The following CADPS variants were observed in gnomAD, a reference collection of about 807,000 sequenced individuals.
CADPS encodes calcium-dependent secretion activator 1.
CADPS carries 57 observed loss-of-function variants against 167.3 expected under a neutral mutation model. The ratio of observed to expected loss-of-function variants is 0.34; its 90% CI spans 0.28 to 0.42. The LOEUF (loss-of-function observed/expected upper bound fraction) is 0.42. Ranked by LOEUF, CADPS falls within the 20% of genes least tolerant of loss-of-function variation. CADPS has a pLI of 1.00. For missense variants in CADPS, 1,414 were observed against 1,738.1 expected, an observed-to-expected ratio of 0.81 and a Z score of 3.32; for synonymous variants, 676 against 635.3, an observed-to-expected ratio of 1.06 and a Z score of -0.96.
At chr3:62,688,167 C>T (rs1296615024) in intron 3 of CADPS, among the ~76,000 whole-genome samples, 1 of 151,990 alleles carries the variant, frequency 6.6e-6, no homozygotes, top group Non-Finnish European at 1.5e-5. Context: ...AGGGCCTGTC[C>T]TATTCATTGT....
chr3:62,856,682 AAATATTAAT>A (rs1000543085), intron 1 of CADPS, among the ~76,000 whole-genome samples: 2 of 151,932 alleles, frequency 1.3e-5, no homozygotes, highest in Non-Finnish European at 2.9e-5. Flanking sequence ...AAATAAATTC[AAATATTAAT>A]AATATTAATA....
intron 6 of CADPS, among the ~76,000 whole-genome samples, chr3:62,607,390 C>A (rs1333751118): frequency 2.0e-5 from 3 of 152,208 alleles, no homozygotes; most frequent in African/African-American, 7.2e-5. Flanking sequence ...CTAAGGCAGG[C>A]AGCCAATGTC....
intron 5 of CADPS, among the ~76,000 whole-genome samples, chr3:62,646,165 T>TA (rs1409168392): frequency 6.7e-6 from 1 of 149,784 alleles, no homozygotes; most frequent in African/African-American, 2.5e-5. Context: ...TTGGCTCTTT[T>TA]TTTTTTTTTT....
chr3:62,536,286 G>T (rs2074674533), intron 12 of CADPS, 159 bp downstream of exon 12: 3 of 623,572 alleles, frequency 4.8e-6, no homozygotes, highest in South Asian at 4.8e-5. Flanking sequence ...TGTTTCTTTG[G>T]TAAGTAAAAC....
Position 62,403,065 on chromosome 3 carries a change from T to C in CADPS, c.3882+16A>G. ...GTAAGCTATTTGCAAAGAAGAATAA[T>C]AATCTTTTCTTTTACCTTTACCATC... On this transcript the variant is annotated intron_variant, in intron 29 of 29. Transcript: ENST00000383710. 1 of 1,476,266 alleles carries C rather than the reference T, an allele frequency of 6.8e-7. No homozygotes were observed. The highest frequency in any genetic ancestry group is 9.5e-7 in the Non-Finnish European group (1 of 1,058,082). 91.4% of individuals were successfully genotyped at this position (1,476,266 alleles called of 1,614,324 possible).
chr3:62,550,550 C>A (rs1008332029), intron 10 of CADPS, among the ~76,000 whole-genome samples: 4 of 152,130 alleles, frequency 2.6e-5, no homozygotes, highest in Non-Finnish European at 4.4e-5. Context: ...CCCATACGAA[C>A]CCCCTGGGCA....
chr3:62,867,618 T>C (rs2081939168), intron 1 of CADPS, among the ~76,000 whole-genome samples: 1 of 152,084 alleles, frequency 6.6e-6, no homozygotes, highest in African/African-American at 2.4e-5. Flanking sequence ...TGCATTTTAG[T>C]TCACCAAACT....
At chr3:62,575,992 C>T (rs765088842) in intron 8 of CADPS, among the ~76,000 whole-genome samples, 2 of 152,134 alleles carry the variant, frequency 1.3e-5, no homozygotes, top group Non-Finnish European at 2.9e-5. Flanking sequence ...TAGTCAGCTC[C>T]GGCTCTGCGT....
intron 28 of CADPS, among the ~76,000 whole-genome samples, chr3:62,410,864 G>T (rs569747908): frequency 2.0e-5 from 3 of 152,134 alleles, no homozygotes; most frequent in Non-Finnish European, 4.4e-5. Flanking sequence ...CAGCACTTTG[G>T]GAGGCTAAAG....
Position 62,859,183 on chromosome 3 carries a change from G to T in CADPS, c.441+15406C>A, listed in dbSNP as rs113365478. ...TACAATATATATAATGTTGAATTTG[G>T]TTTGTCCTTTCCAGTGATTCTTACA... is the stretch of plus-strand genomic sequence containing the variant. On this transcript the variant is annotated intron_variant, in intron 1 of 29. Transcript: ENST00000383710. Among the ~76,000 whole-genome samples the T allele has an allele frequency of 3.3e-5, 5 of 152,224 alleles. No homozygotes were observed. In the East Asian group the frequency reaches 9.6e-4, roughly 29 times the overall value.
At chr3:62,503,942 G>T (rs2066193959) in intron 17 of CADPS, among the ~76,000 whole-genome samples, 1 of 152,138 alleles carries the variant, frequency 6.6e-6, no homozygotes, top group Non-Finnish European at 1.5e-5. Context: ...TGTATGGTGA[G>T]AGGGACATAC....
In CADPS at chr3:62,875,026, G is replaced by A; in HGVS notation, c.4C>T (p.Leu2=). 1.9e-6 allele frequency: 3 copies of A among 1,589,108 alleles called. No individual in the cohort carries two copies. The highest frequency in any genetic ancestry group is 2.6e-6 in the Non-Finnish European group (3 of 1,167,586). ...TCTTCTTCGCTGGACGAAGGGTCCA[G>A]CATAGTGGCGCCTGGGGAGCGGGGT... M[L]DPSSSEEESD... Residue 2 remains leucine (L), a synonymous_variant, in exon 1 of 30, where the codon CTG becomes TTG. Transcript: ENST00000383710.
At chr3:62,589,279 T>C (rs1010255445) in intron 7 of CADPS, among the ~76,000 whole-genome samples, 1 of 152,216 alleles carries the variant, frequency 6.6e-6, no homozygotes, top group African/African-American at 2.4e-5. Context: ...CCCATGAAGA[T>C]GCTGCCAGCA....
intron 1 of CADPS, among the ~76,000 whole-genome samples, chr3:62,816,908 C>A (rs1029517406): frequency 3.9e-5 from 6 of 152,078 alleles, no homozygotes; most frequent in Non-Finnish European, 8.8e-5. Context: ...GGTTTTCCTC[C>A]TCCTCCTCAT....
chr3:62,518,322 A>C, intron 13 of CADPS, 72 bp from the exon 14 acceptor site: 1 of 1,134,448 alleles, frequency 8.8e-7, no homozygotes. Context: ...CTCTAGCAGG[A>C]GGAAACTGTC....
chr3:62,479,687 G>A (rs949528622), intron 22 of CADPS, among the ~76,000 whole-genome samples: 2 of 152,254 alleles, frequency 1.3e-5, no homozygotes, highest in Non-Finnish European at 2.9e-5. Flanking sequence ...TGACACGATG[G>A]AGCAGGTAAC....
In CADPS at chr3:62,602,746, C is replaced by G. The variant is rs186620247; in HGVS notation, c.1326-9998G>C. On this transcript the variant is annotated intron_variant, in intron 6 of 29. Transcript: ENST00000383710. The surrounding 1 kb of genome is among the most constrained non-coding windows in gnomAD (Gnocchi z 4.4). ...GCTTTGGTTTGCCTCCTTGACATTT[C>G]CACTGGAACGTCTCCTCTCCAGGAG... is the stretch of plus-strand genomic sequence containing the variant. 2.9e-4 allele frequency among the ~76,000 whole-genome samples: 44 copies of G among 152,248 alleles called. No individual in the cohort carries two copies. The highest frequency in any genetic ancestry group is 1.0e-3 in the African/African-American group (42 of 41,542).
intron 1 of CADPS, among the ~76,000 whole-genome samples, chr3:62,842,981 G>C (rs1286700730): frequency 5.9e-5 from 9 of 152,138 alleles, no homozygotes; most frequent in Non-Finnish European, 7.4e-5. Context: ...GGAAAGCATG[G>C]TATTTTGTAA....
intron 15 of CADPS, 128 bp from the exon 16 acceptor site, chr3:62,516,310 A>G (rs1434203274): frequency 9.7e-6 from 12 of 1,238,134 alleles, no homozygotes; most frequent in Non-Finnish European, 1.2e-5. Flanking sequence ...GCCATGCTTA[A>G]AGAGAAAGCA....
Sources: allele counts gnomAD v4.1 joint callset (sites outside exome capture counted in the v4.1 genomes callset), GRCh38; gene constraint gnomAD v4.1.1; non-coding constraint Gnocchi (gnomAD v3.1); transcripts MANE v1.5; gene names NCBI Gene and HGNC (gene_info 2026-07-23, HGNC 2026-07-21).